The following USP42 variants were observed in gnomAD, a reference collection of about 807,000 sequenced individuals.
USP42 encodes the protein ubiquitin carboxyl-terminal hydrolase 42.
A neutral mutation model predicts 113.0 loss-of-function variants in USP42; 23 were observed. The observed-to-expected ratio is 0.20, with a 90% CI of 0.15 to 0.29. The LOEUF is 0.29. Among genes scored for constraint, USP42 ranks in the 10% least tolerant of loss-of-function variants. The pLI is 1.00. For missense variants in USP42, 2,174 were observed against 1,779.8 expected (o/e 1.22, Z -3.99); for synonymous variants, 933 against 699.0 (o/e 1.33, Z -5.28).
rs946670176 is a variant in USP42, at chr7:6,154,294, G to A, written c.2740G>A (p.Gly914Arg). The change falls in exon 15 of 18, where the codon GGG (glycine) becomes AGG (arginine). Residue 914 changes from glycine to arginine, a missense_variant. Physicochemically the swap from Gly to Arg is moderately radical, Grantham distance 125 (BLOSUM62 -2). Transcript: ENST00000306177. ...CATGGCCCCGGCCGGTCACCCGGAA[G>A]GGGACGCTGAGCCTAGCCCCGGCGA... Reference protein sequence around the residue: ...LDMAPAGHPEGDAEPSPGERV... With the variant: ...LDMAPAGHPERDAEPSPGERV... 10 of 1,588,276 alleles carry A rather than the reference G, an allele frequency of 6.3e-6. No homozygotes were observed. Among genetic ancestry groups the A allele is most frequent in the African/African-American group, 1.3e-5 (1 of 74,310 alleles).
At position 6,158,073 on chromosome 7, in the gene USP42, C is replaced by T. The variant is rs982204540; in HGVS notation, c.3943+1018C>T. On this transcript the variant is annotated intron_variant, in intron 16 of 17. Coordinates refer to ENST00000306177, the MANE Select transcript of USP42 (RefSeq NM_032172.3). The surrounding 1 kb of genome is among the most constrained non-coding windows in gnomAD (Gnocchi z 4.2). ...GGCCAGTCACCAGACTTTGTATGAA[C>T]TTGGAGTTAAGAATGGTTTTAACCT... Among the ~76,000 whole-genome samples the T allele has an allele frequency of 2.6e-5, 4 of 152,236 alleles. No homozygotes were observed. Among genetic ancestry groups the T allele is most frequent in the Non-Finnish European group, 5.9e-5 (4 of 68,044 alleles).
At chr7:6,142,649 G>A (rs1256570226) in intron 7 of USP42, among the ~76,000 whole-genome samples, 3 of 152,182 alleles carry the variant, frequency 2.0e-5, no homozygotes, top group Non-Finnish European at 2.9e-5. Flanking sequence ...TTGGGAGGTC[G>A]AGGTGGGAGG....
rs1260066178 is a variant in USP42 at position 6,139,053 on chromosome 7, G to A, written c.554-39G>A. ...GGGGGGTACAACTTAGGCTTATTAC[G>A]TGTAATGATAAAGCCTTGTCTTTAC... On this transcript the variant is annotated intron_variant, in intron 4 of 17. Transcript: ENST00000306177. The surrounding 1 kb of genome is among the most constrained non-coding windows in gnomAD (Gnocchi z 4.5). 6 of 1,378,652 alleles carry A rather than the reference G, an allele frequency of 4.4e-6. No individual in the cohort carries two copies. Among genetic ancestry groups the A allele is most frequent in the Admixed American group, 2.1e-5 (1 of 48,052 alleles). 85.4% of individuals were successfully genotyped at this position (1,378,652 alleles called of 1,614,324 possible). A position where few individuals can be genotyped will look rare whatever the true frequency, so the allele number is the denominator to read the frequency against.
chr7:6,088,546 C>T, the USP42 span, among the ~76,000 whole-genome samples: 3 of 151,284 alleles, frequency 2.0e-5, no homozygotes, highest in East Asian at 1.9e-4. Flanking sequence ...CATGAGCCAC[C>T]GTGCATGGCC....
intron 3 of USP42, among the ~76,000 whole-genome samples, chr7:6,123,870 T>G (rs1013920266): frequency 6.6e-6 from 1 of 151,064 alleles, no homozygotes; most frequent in South Asian, 2.1e-4. Flanking sequence ...AGTTTTCTTT[T>G]TCGTATCGTT....
chr7:6,105,168 G>C (rs1423400125), intron 1 of USP42, 136 bp downstream of exon 1: 1 of 145,386 alleles, frequency 6.9e-6, no homozygotes, highest in African/African-American at 2.5e-5. Flanking sequence ...CCCCTCGCCC[G>C]CCTCCCCCTA....
intron 15 of USP42, among the ~76,000 whole-genome samples, chr7:6,155,448 A>G (rs1392945543): frequency 2.6e-5 from 4 of 152,202 alleles, no homozygotes; most frequent in Non-Finnish European, 5.9e-5. Context: ...TTTCAAAATG[A>G]TAGTGCCATT....
intron 14 of USP42, among the ~76,000 whole-genome samples, chr7:6,151,049 G>A (rs1347463267): frequency 3.9e-5 from 6 of 152,196 alleles, no homozygotes; most frequent in African/African-American, 9.7e-5. Context: ...ACTGGATCCC[G>A]TAGGCAGCTG....
intron 3 of USP42, among the ~76,000 whole-genome samples, chr7:6,131,965 C>G (rs560707360): frequency 6.6e-6 from 1 of 152,286 alleles, no homozygotes; most frequent in South Asian, 2.1e-4. Flanking sequence ...GACAGGCTGT[C>G]ACTCTCACCC....
chr7:6,119,435 C>T (rs563750399), intron 3 of USP42, among the ~76,000 whole-genome samples: 8 of 152,174 alleles, frequency 5.3e-5, no homozygotes, highest in South Asian at 4.2e-4. Context: ...TGTGCAGGTA[C>T]GCTGCAGCCT....
rs869283400 is a variant in USP42 at position 6,114,678 on chromosome 7, ATTTTTTTTTTTTTT to A, written c.242-630_242-617del. Among the ~76,000 whole-genome samples, 60 of 18,884 alleles carry A rather than the reference ATTTTTTTTTTTTTT, an allele frequency of 3.2e-3. 2 individuals carry two copies. Among genetic ancestry groups the A allele is most frequent in the Admixed American group, 6.9e-3 (6 of 868 alleles). The allele number at this position is 18,884 out of a possible 152,430, so 12.4% of individuals were successfully genotyped here. ...TGTGTATATATATATATATATATAT[ATTTTTTTTTTTTTT>A]TTTTTTTTTTTTTTGAGACGGAGTC... On this transcript the variant is annotated intron_variant, in intron 2 of 17. Transcript: ENST00000306177.
At chr7:6,106,731 A>AT (rs72032655) in intron 1 of USP42, among the ~76,000 whole-genome samples, 363 of 145,824 alleles carry the variant, frequency 2.5e-3, no homozygotes, top group Middle Eastern at 3.5e-3. Context: ...CACCCAGCTA[A>AT]TTTTTTTTTT....
At chr7:6,092,027 TTCTTCTTC>T in the USP42 span, among the ~76,000 whole-genome samples, 1 of 110,548 alleles carries the variant, frequency 9.0e-6, no homozygotes, top group African/African-American at 3.6e-5. Context: ...CTTCTTCTTC[TTCTTCTTC>T]TTCTTCTTCT....
At chr7:6,134,829 A>G (rs1364049826) in intron 3 of USP42, among the ~76,000 whole-genome samples, 1 of 152,092 alleles carries the variant, frequency 6.6e-6, no homozygotes, top group African/African-American at 2.4e-5. Context: ...TCTGTTGCCC[A>G]GGCTGTAGTG....
intron 3 of USP42, among the ~76,000 whole-genome samples, chr7:6,127,959 G>C (rs1780629331): frequency 6.6e-6 from 1 of 151,742 alleles, no homozygotes; most frequent in South Asian, 2.1e-4. Context: ...ATCTTGTTCT[G>C]TGACCCAGGC....
In USP42 at chr7:6,157,398, T is replaced by A. The variant is rs1394399501; in HGVS notation, c.3943+343T>A. ...GGTTTGGTTTTATTTTATTTTATTT[T>A]ATTTATTTTATTTTTTGAGACGGAG... On this transcript the variant is annotated intron_variant, in intron 16 of 17. Coordinates refer to ENST00000306177, the MANE Select transcript of USP42 (RefSeq NM_032172.3). The surrounding 1 kb of genome is among the most constrained non-coding windows in gnomAD (Gnocchi z 4.1). The A allele has an allele frequency of 1.0e-6, 1 of 984,746 alleles. No homozygotes were observed. The highest frequency in any genetic ancestry group is 1.2e-6 in the Non-Finnish European group (1 of 828,120). 61.0% of individuals were successfully genotyped at this position (984,746 alleles called of 1,614,324 possible). A position where few individuals can be genotyped will look rare whatever the true frequency, so the allele number is the denominator to read the frequency against.
intron 2 of USP42, 27 bp downstream of exon 2, chr7:6,111,401 C>G: frequency 6.2e-7 from 1 of 1,602,188 alleles, no homozygotes; most frequent in Non-Finnish European, 8.5e-7. Context: ...GAGAGAATTA[C>G]CGCCAGAAAC....
At chr7:6,125,190 A>C (rs895975125) in intron 3 of USP42, among the ~76,000 whole-genome samples, 1 of 147,434 alleles carries the variant, frequency 6.8e-6, no homozygotes, top group African/African-American at 2.5e-5. Context: ...CAACAAAAAA[A>C]AAAAAAAAAA....
chr7:6,131,815 G>A (rs745323165), intron 3 of USP42, among the ~76,000 whole-genome samples: 13 of 152,162 alleles, frequency 8.5e-5, no homozygotes, highest in Non-Finnish European at 1.8e-4. Context: ...ATACACAATG[G>A]TCAGGATTTG....
Sources: allele counts gnomAD v4.1 joint callset (sites outside exome capture counted in the v4.1 genomes callset), GRCh38; gene constraint gnomAD v4.1.1; non-coding constraint Gnocchi (gnomAD v3.1); transcripts MANE v1.5; gene names NCBI Gene and HGNC (gene_info 2026-07-23, HGNC 2026-07-21).